PCDHA6: variants seen among roughly 807,000 people sequenced by gnomAD.
PCDHA6 encodes the protein protocadherin alpha 6.
In PCDHA6, 55 loss-of-function variants were observed where a neutral mutation model predicts 60.3. The observed-to-expected ratio is 0.91, with a 90% CI of 0.73 to 1.14. The LOEUF (loss-of-function observed/expected upper bound fraction) is 1.14. Ranked by LOEUF, PCDHA6 falls within the 50% of genes most tolerant of loss-of-function variation. The probability of loss-of-function intolerance (pLI) is 0.00; values close to 1 mark genes in which losing one functional copy is unlikely to be tolerated. For missense variants in PCDHA6, 1,327 were observed against 1,256.5 expected (o/e 1.06, Z -0.85); for synonymous variants, 652 against 557.9 (o/e 1.17, Z -2.38).
intron 1 of PCDHA6, chr5:140,966,754 G>A (rs1554228611): frequency 1.4e-6 from 2 of 1,432,146 alleles, no homozygotes; most frequent in South Asian, 3.0e-5. Context: ...TGCCTCCGCC[G>A]CGGCCAGTGG....
At chr5:140,955,233 T>A (rs1554221819) in intron 1 of PCDHA6, among the ~76,000 whole-genome samples, 1 of 152,198 alleles carries the variant, frequency 6.6e-6, no homozygotes, top group African/African-American at 2.4e-5. Flanking sequence ...TTTGTTCTTT[T>A]GCTTAGGATC....
intron 1 of PCDHA6, chr5:140,870,022 T>G (rs1554163715): frequency 6.2e-7 from 1 of 1,613,310 alleles, no homozygotes; most frequent in Admixed American, 1.7e-5. Context: ...CAATGGAACT[T>G]TAGATTATGA....
intron 3 of PCDHA6, among the ~76,000 whole-genome samples, chr5:140,991,357 T>G (rs1409351374): frequency 2.6e-5 from 4 of 152,258 alleles, no homozygotes; most frequent in African/African-American, 9.6e-5. Flanking sequence ...AAAGACTATT[T>G]ACTGTCTGAG....
intron 1 of PCDHA6, among the ~76,000 whole-genome samples, chr5:140,908,023 A>G (rs797031285): frequency 5.9e-5 from 9 of 152,314 alleles, no homozygotes; most frequent in Admixed American, 2.6e-4. Context: ...GCTACAGCCC[A>G]TTAATCAGTA....
At chr5:140,895,829 C>T (rs2065183021) in intron 1 of PCDHA6, among the ~76,000 whole-genome samples, 1 of 151,878 alleles carries the variant, frequency 6.6e-6, no homozygotes, top group African/African-American at 2.4e-5. Context: ...GTATTTTTTT[C>T]AGACAAAGTC....
At chr5:140,912,689 CA>C (rs781833135) in intron 1 of PCDHA6, among the ~76,000 whole-genome samples, 5 of 152,112 alleles carry the variant, frequency 3.3e-5, no homozygotes, top group African/African-American at 4.8e-5. Context: ...TTCCAGGTCT[CA>C]GGGGGAATGC....
Position 140,850,525 on chromosome 5 carries a change from A to G in PCDHA6, c.2394+20040A>G, listed in dbSNP as rs2041657187. Reference sequence around the variant, plus strand: ...CTGGTGGAGAGCGGCCAGGCGCCAAAGTCATCGTCGCGGGCGTCAGTGGGT... The same window carrying G: ...CTGGTGGAGAGCGGCCAGGCGCCAAGGTCATCGTCGCGGGCGTCAGTGGGT... On this transcript the variant is annotated intron_variant, in intron 1 of 3. Transcript: ENST00000529310. 5.6e-6 allele frequency: 9 copies of G among 1,598,066 alleles called. 2 individuals are homozygous for G. Among genetic ancestry groups the G allele is most frequent in the African/African-American group, 1.3e-5 (1 of 74,316 alleles).
Position 140,829,339 on chromosome 5 carries a change from G to A in PCDHA6, c.1248G>A (p.Glu416=), listed in dbSNP as rs1770234553. 6.2e-7 allele frequency: 1 copy of A among 1,614,278 alleles called. No homozygotes were observed. Among genetic ancestry groups the A allele is most frequent in the Non-Finnish European group, 8.5e-7 (1 of 1,180,060 alleles). The stretch of plus-strand genomic sequence containing the variant: ...TGCTGGACAGTGCCCTGGACCGCGA[G>A]AGCGTGTCGGCCTATGAGTTGGTGG... The part of the protein sequence containing the change: ...SLVLDSALDR[E]SVSAYELVVT... Residue 416 remains glutamate, a synonymous_variant, in exon 1 of 4, where the codon GAG becomes GAA. Transcript: ENST00000529310.
chr5:140,882,475 AAGAC>A (rs2059154037), intron 1 of PCDHA6: 1 of 1,613,902 alleles, frequency 6.2e-7, no homozygotes, highest in Non-Finnish European at 8.5e-7. Flanking sequence ...TGGCGTCCAA[AAGAC>A]ACGGGGACCT....
At chr5:140,849,983 G>A (rs1554143561) in intron 1 of PCDHA6, 6 of 1,597,534 alleles carry the variant, frequency 3.8e-6, no homozygotes, top group Admixed American at 1.7e-5. Context: ...CGCTGGTGGA[G>A]CGGCGGTTGG....
chr5:140,909,011 T>G (rs998704146), intron 1 of PCDHA6, among the ~76,000 whole-genome samples: 1 of 152,170 alleles, frequency 6.6e-6, no homozygotes, highest in Non-Finnish European at 1.5e-5. Flanking sequence ...AGGTAGAAGG[T>G]TCCTGAATTT....
Position 140,830,104 on chromosome 5 carries a change from G to A in PCDHA6, c.2013G>A (p.Glu671=), listed in dbSNP as rs2150181173. The part of the protein sequence containing the change: ...ATATVLVSLV[E]SGQAPKASSR... ...CCACGGTTCTGGTGTCGCTGGTGGAGAGTGGCCAGGCTCCAAAGGCGTCAT... is the reference window on the plus strand; with the variant it reads ...CCACGGTTCTGGTGTCGCTGGTGGAAAGTGGCCAGGCTCCAAAGGCGTCAT... Residue 671 remains glutamate, a synonymous_variant, in exon 1 of 4, where the codon GAG becomes GAA. Coordinates refer to ENST00000529310, the MANE Select transcript of PCDHA6 (RefSeq NM_018909.4). 6.2e-7 allele frequency: 1 copy of A among 1,613,630 alleles called. No individual in the cohort carries two copies. Among genetic ancestry groups the A allele is most frequent in the Admixed American group, 1.7e-5 (1 of 60,000 alleles).
chr5:140,877,874 C>A, intron 1 of PCDHA6: 1 of 1,477,456 alleles, frequency 6.8e-7, no homozygotes, highest in Non-Finnish European at 9.0e-7. Flanking sequence ...ATATTTGTTT[C>A]CTTGAAGAAC....
At chr5:140,929,209 G>T in intron 1 of PCDHA6, 1 of 1,614,054 alleles carries the variant, frequency 6.2e-7, no homozygotes, top group Non-Finnish European at 8.5e-7. Context: ...GCTGTTGCGT[G>T]GGGAGTACAA....
chr5:140,856,458 A>G, intron 1 of PCDHA6: 1 of 1,598,416 alleles, frequency 6.3e-7, no homozygotes, highest in South Asian at 1.1e-5. Context: ...GTAACAGAAC[A>G]AAAGCTCTCA....
At chr5:140,862,809 G>A in intron 1 of PCDHA6, 1 of 572,722 alleles carries the variant, frequency 1.7e-6, no homozygotes, top group Non-Finnish European at 3.4e-6. Context: ...AGCTGCTGCA[G>A]TTCTAGGTGA....
In PCDHA6 at chr5:141,011,716, A is replaced by G. The variant is rs975588316; in HGVS notation, c.*1779A>G. 6.5e-6 allele frequency: 1 copy of G among 153,764 alleles called. No homozygotes were observed. Among genetic ancestry groups the G allele is most frequent in the African/African-American group, 2.4e-5 (1 of 41,450 alleles). 9.5% of individuals were successfully genotyped at this position (153,764 alleles called of 1,614,324 possible). On this transcript the variant is annotated 3_prime_UTR_variant, in exon 4 of 4. Transcript: ENST00000529310. Reference sequence around the variant, plus strand: ...TTGGAATGAATACTGACAATATTCCATGAGGGTGTGCAAGCACAAATTTTA... The same window carrying G: ...TTGGAATGAATACTGACAATATTCCGTGAGGGTGTGCAAGCACAAATTTTA...
chr5:140,970,847 C>A (rs2096437224), intron 1 of PCDHA6, among the ~76,000 whole-genome samples: 1 of 149,802 alleles, frequency 6.7e-6, no homozygotes, highest in Non-Finnish European at 1.5e-5. Context: ...TGCACAGGCA[C>A]AAAAGTTCCA....
chr5:140,930,055 A>G (rs1249446079), intron 1 of PCDHA6: 2 of 152,206 alleles, frequency 1.3e-5, no homozygotes, highest in Admixed American at 6.5e-5. Context: ...GTTTTTGCTT[A>G]CACAAAAACT....
Sources: gnomAD v4.1 joint callset for allele counts (sites outside exome capture counted in the v4.1 genomes callset) on GRCh38, gnomAD v4.1.1 for gene constraint, MANE v1.5 for transcripts, NCBI Gene and HGNC (gene_info 2026-07-23, HGNC 2026-07-21) for gene names.